TACC2: variants seen among roughly 807,000 people sequenced by gnomAD.
TACC2 encodes transforming acidic coiled-coil-containing protein 2.
In TACC2, 137 loss-of-function variants were observed where a neutral mutation model predicts 227.3. The ratio of observed to expected loss-of-function variants is 0.60; its 90% CI spans 0.52 to 0.69. The LOEUF (loss-of-function observed/expected upper bound fraction) is 0.69, where lower values mean the gene tolerates loss of function less well. Ranked by LOEUF, TACC2 falls within the 30% of genes least tolerant of loss-of-function variation. The probability of loss-of-function intolerance (pLI) is 0.00; values close to 1 mark genes in which losing one functional copy is unlikely to be tolerated. For missense variants in TACC2, 3,470 were observed against 3,694.4 expected (o/e 0.94, Z 1.57); for synonymous variants, 1,523 against 1,487.5 (o/e 1.02, Z -0.55).
At chr10:122,017,818 C>CAAAAAAAAAAAAA (rs5788525) in intron 1 of TACC2, among the ~76,000 whole-genome samples, 1 of 74,960 alleles carries the variant, frequency 1.3e-5, no homozygotes, top group African/African-American at 5.0e-5. Context: ...GAAACTGTCT[C>CAAAAAAAAAAAAA]AAAAAAAAAA....
intron 7 of TACC2, among the ~76,000 whole-genome samples, chr10:122,167,720 A>G (rs1290493999): frequency 2.6e-5 from 4 of 152,268 alleles, no homozygotes; most frequent in South Asian, 2.1e-4. Context: ...CAGAGGTGAG[A>G]TGCCACATCT....
chr10:122,123,603 A>C (rs555509389), intron 5 of TACC2, among the ~76,000 whole-genome samples: 1 of 152,108 alleles, frequency 6.6e-6, no homozygotes, highest in Non-Finnish European at 1.5e-5. Context: ...CAGTTCGGTC[A>C]TGCCCAGCCT....
intron 2 of TACC2, chr10:122,033,119 T>A (rs1389657707): frequency 7.8e-7 from 1 of 1,289,290 alleles, no homozygotes; most frequent in African/African-American, 1.5e-5. Flanking sequence ...TTGCATAACG[T>A]CATTCTGTGG....
chr10:122,081,178 C>A (rs748314554), intron 3 of TACC2, among the ~76,000 whole-genome samples: 1 of 151,878 alleles, frequency 6.6e-6, no homozygotes, highest in South Asian at 2.1e-4. Flanking sequence ...TTTTTTCCTA[C>A]ATTTTCCACA....
chr10:122,118,337 G>A (rs1332513610), intron 5 of TACC2, among the ~76,000 whole-genome samples: 1 of 152,000 alleles, frequency 6.6e-6, no homozygotes, highest in African/African-American at 2.4e-5. Context: ...TTCTTACCTT[G>A]ACTGAAACTG....
At chr10:122,063,831 T>TACACAC (rs139868618) in intron 3 of TACC2, among the ~76,000 whole-genome samples, 5,313 of 146,410 alleles carry the variant, frequency 0.036, 259 homozygotes, top group African/African-American at 0.12. Context: ...TATTATATAA[T>TACACAC]ACACACACAC....
At chr10:122,117,949 C>G (rs1279216062) in intron 5 of TACC2, among the ~76,000 whole-genome samples, 2 of 152,068 alleles carry the variant, frequency 1.3e-5, no homozygotes. Flanking sequence ...GTGGCTCCTA[C>G]TTTCTGGCTC....
intron 5 of TACC2, among the ~76,000 whole-genome samples, chr10:122,107,880 A>ATTT (rs1412735022): frequency 0.015 from 1,532 of 102,230 alleles, 22 homozygotes; most frequent in Middle Eastern, 0.046. Flanking sequence ...ATATATATAT[A>ATTT]TTTTTTTTTT....
chr10:122,202,606 C>T (rs2094904637), intron 8 of TACC2, among the ~76,000 whole-genome samples: 1 of 149,526 alleles, frequency 6.7e-6, no homozygotes, highest in African/African-American at 2.5e-5. Context: ...CCAAGAGTTT[C>T]CTGACAAAAG....
At chr10:122,074,032 G>A (rs983183915) in intron 3 of TACC2, among the ~76,000 whole-genome samples, 1 of 151,262 alleles carries the variant, frequency 6.6e-6, no homozygotes, top group Admixed American at 6.6e-5. Flanking sequence ...TGCCCACCTC[G>A]GCCTCCCAAA....
At chr10:122,230,320 C>T (rs2095712040) in intron 15 of TACC2, 31 bp from the exon 16 acceptor site, 1 of 1,579,066 alleles carries the variant, frequency 6.3e-7, no homozygotes. Context: ...GATGCATTTC[C>T]CTGCGGTTTG....
At chr10:122,079,932 C>T (rs2459105) in intron 3 of TACC2, among the ~76,000 whole-genome samples, 148,360 of 152,318 alleles carry the variant, frequency 0.97, 72,369 homozygotes, top group East Asian at 1. Flanking sequence ...TTTGGAAAAA[C>T]TGAAACCTCA....
rs139917560 is a variant in TACC2 at position 122,226,342 on chromosome 10, G to T, written c.7609-24G>T. ...CGTTCAGGCCAACTGTACCCAAGCT[G>T]ATATGTGATTTTGATCCCTGCAGCA... On this transcript the variant is annotated intron_variant, in intron 12 of 22. Coordinates refer to ENST00000369005, the MANE Select transcript of TACC2 (RefSeq NM_206862.4). 9.0e-6 allele frequency: 14 copies of T among 1,560,218 alleles called. No homozygotes were observed. The African/African-American group carries it at 1.6e-4, about 18-fold the overall frequency.
At chr10:122,145,885 C>G (rs1258654868) in intron 7 of TACC2, among the ~76,000 whole-genome samples, 1 of 152,130 alleles carries the variant, frequency 6.6e-6, no homozygotes, top group African/African-American at 2.4e-5. Context: ...CACCTTTAGC[C>G]CTGGAGCCCA....
chr10:122,043,925 G>A lies in TACC2; in HGVS notation c.34-6513G>A, dbSNP rs1591401182. Among the ~76,000 whole-genome samples the A allele has an allele frequency of 2.0e-5, 3 of 152,298 alleles. 1 individual carries two copies. Among genetic ancestry groups the A allele is most frequent in the African/African-American group, 7.2e-5 (3 of 41,564 alleles). On this transcript the variant is annotated intron_variant, in intron 2 of 22. Coordinates refer to ENST00000369005, the MANE Select transcript of TACC2 (RefSeq NM_206862.4). Reference sequence around the variant, plus strand: ...TTCAGATTTATAGAAAAGTTGCAAAGATTGTATGGAGAGCTCCCATATAGA... The same window carrying A: ...TTCAGATTTATAGAAAAGTTGCAAAAATTGTATGGAGAGCTCCCATATAGA...
At chr10:122,249,420 T>C (rs1348778853) in intron 21 of TACC2, 124 bp from the exon 22 acceptor site, 2 of 1,364,374 alleles carry the variant, frequency 1.5e-6, no homozygotes, top group Non-Finnish European at 2.0e-6. Flanking sequence ...GCTCCTGTGC[T>C]CCAGCTCCAG....
intron 2 of TACC2, among the ~76,000 whole-genome samples, chr10:122,027,945 G>A (rs367878619): frequency 5.9e-5 from 9 of 151,708 alleles, no homozygotes; most frequent in Admixed American, 3.9e-4. Flanking sequence ...GGGTTTCACC[G>A]TGTTAGCCAG....
intron 7 of TACC2, among the ~76,000 whole-genome samples, chr10:122,190,434 C>T (rs2094368496): frequency 6.6e-6 from 1 of 152,156 alleles, no homozygotes; most frequent in African/African-American, 2.4e-5. Context: ...CTTGAAAAAA[C>T]GTTTTTAAGC....
At chr10:122,011,759 C>T (rs777224480) in intron 1 of TACC2, among the ~76,000 whole-genome samples, 4 of 152,138 alleles carry the variant, frequency 2.6e-5, no homozygotes, top group African/African-American at 4.8e-5. Flanking sequence ...ATCTTATTAA[C>T]GTTGGAACCA....
Sources: allele counts gnomAD v4.1 joint callset (sites outside exome capture counted in the v4.1 genomes callset), GRCh38; gene constraint gnomAD v4.1.1; transcripts MANE v1.5; gene names NCBI Gene and HGNC (gene_info 2026-07-23, HGNC 2026-07-21).